Variants in INAVA observed in about 807,000 individuals in gnomAD.
The protein encoded by INAVA is innate immunity activator.
INAVA carries 32 observed loss-of-function variants against 55.3 expected under a neutral mutation model. The ratio of observed to expected loss-of-function variants is 0.58; its 90% confidence interval spans 0.44 to 0.78. INAVA has a LOEUF of 0.78. Ranked by LOEUF, INAVA falls within the 30% of genes least tolerant of loss-of-function variation. The probability of loss-of-function intolerance (pLI) is 0.00; values close to 1 mark genes in which losing one functional copy is unlikely to be tolerated. For missense variants in INAVA, 756 were observed against 786.4 expected, an observed-to-expected ratio of 0.96 and a Z score of 0.46; for synonymous variants, 294 against 329.4, an observed-to-expected ratio of 0.89 and a Z score of 1.16.
chr1:200,902,531 G>T (rs1238353782), intron 5 of INAVA, among the ~76,000 whole-genome samples: 2 of 152,228 alleles, frequency 1.3e-5, no homozygotes, highest in African/African-American at 2.4e-5. Flanking sequence ...CTTGGCCGCA[G>T]AACAACACTC....
chr1:200,911,160 TAAAAAAAG>T lies in INAVA; in HGVS notation c.960-292_960-285del, dbSNP rs1485427599. On this transcript the variant is annotated intron_variant, in intron 8 of 9. Transcript: ENST00000413687. ...AAAAAAAGTACTTAATGTAGTACTT[TAAAAAAAG>T]TACTTAATGTGCTACTTGATGTAGC... is the stretch of plus-strand genomic sequence containing the variant. 3.9e-3 allele frequency among the ~76,000 whole-genome samples: 438 copies of T among 112,428 alleles called. 2 individuals carry two copies. Among genetic ancestry groups the T allele is most frequent in the African/African-American group, 0.016 (411 of 25,168 alleles). 73.8% of individuals were successfully genotyped at this position (112,428 alleles called of 152,430 possible). A position where few individuals can be genotyped will look rare whatever the true frequency, so the allele number is the denominator to read the frequency against.
rs1046556097 is a variant in INAVA, at chr1:200,900,968, C to A, written c.329C>A (p.Ala110Asp). ...CTAAGCAGCCTGGAGCGCCAGCTGGCCCTGCAGCTGCAGATCACAGAGGCA... is the reference window on the plus strand; with the variant it reads ...CTAAGCAGCCTGGAGCGCCAGCTGGACCTGCAGCTGCAGATCACAGAGGCA... ...DPLSSLERQL[A>D]LQLQITEAAR... Residue 110 changes from alanine (A) to aspartate (D), a missense_variant, in exon 5 of 10, where the codon GCC (alanine) becomes GAC (aspartate). By Grantham distance (126) the Ala-to-Asp change is moderately radical. This residue lies in a region of INAVA where 639 missense variants were observed against 624.3 expected (regional missense o/e 1.02). Coordinates refer to ENST00000413687, the MANE Select transcript of INAVA (RefSeq NM_001142569.3). The A allele has an allele frequency of 2.6e-6, 4 of 1,555,290 alleles. No homozygotes were observed. In the East Asian group the frequency reaches 7.2e-5, roughly 28 times the overall value.
chr1:200,908,328 C>T (rs149874431), intron 6 of INAVA, among the ~76,000 whole-genome samples: 164 of 152,218 alleles, frequency 1.1e-3, no homozygotes, highest in Non-Finnish European at 3.1e-4. Flanking sequence ...CAAGGTGGAT[C>T]GAGAAGCTGT....
Position 200,912,014 on chromosome 1 carries a change from G to A in INAVA, c.1521G>A (p.Trp507Ter). 1 of 1,537,574 alleles carries A rather than the reference G, an allele frequency of 6.5e-7. No individual in the cohort carries two copies. Among genetic ancestry groups the A allele is most frequent in the Non-Finnish European group, 8.7e-7 (1 of 1,144,684 alleles). ...KAAVSEELKW[W>*]HERARLRSTR... is the part of the protein sequence containing the mutation. ...CCGTGTCCGAGGAGCTCAAGTGGTG[G>A]CACGAGCGTGCACGCCTCCGGAGCA... Residue 507 changes from tryptophan to a stop codon, truncating the protein, a stop_gained, in exon 9 of 10, where the codon TGG becomes TGA. Transcript: ENST00000413687. LOFTEE classifies it high-confidence loss of function.
chr1:200,902,862 T>A (rs981521268), intron 5 of INAVA: 13 of 152,270 alleles, frequency 8.5e-5, no homozygotes, highest in African/African-American at 2.9e-4. Context: ...TGACCCATAA[T>A]GCTTCTTGTT....
intron 1 of INAVA, 105 bp downstream of exon 1, chr1:200,895,192 C>G: frequency 1.1e-6 from 1 of 898,486 alleles, no homozygotes; most frequent in Non-Finnish European, 1.3e-6. Context: ...CCCCCACCCC[C>G]GCCAGCCTAT....
At position 200,913,704 on chromosome 1, in the gene INAVA, T is replaced by G. The variant is rs1653841747; in HGVS notation, c.*75T>G. ...GACCCCCCCACCCCTGAGTGCCTCTTTCAGCTCCCCCATCCCCATCGCAGG... is the reference window on the plus strand; with the variant it reads ...GACCCCCCCACCCCTGAGTGCCTCTGTCAGCTCCCCCATCCCCATCGCAGG... On this transcript the variant is annotated 3_prime_UTR_variant, in exon 10 of 10. Coordinates refer to ENST00000413687, the MANE Select transcript of INAVA (RefSeq NM_001142569.3). 1.6e-6 allele frequency: 2 copies of G among 1,248,436 alleles called. No homozygotes were observed. Among genetic ancestry groups the G allele is most frequent in the Non-Finnish European group, 2.3e-6 (2 of 860,464 alleles). The allele number at this position is 1,248,436 out of a possible 1,614,324, so 77.3% of individuals were successfully genotyped here.
Position 200,911,521 on chromosome 1 carries a change from AC to A in INAVA, c.1029del (p.Tyr344ThrfsTer3), listed in dbSNP as rs1301106771. The A allele has an allele frequency of 6.2e-7, 1 of 1,613,286 alleles. No homozygotes were observed. Among genetic ancestry groups the A allele is most frequent in the African/African-American group, 1.3e-5 (1 of 74,684 alleles). ...GCCTTTCCCCGCCGCCGCCCCACTCACTACACGGTGACAGTGCCAGATTCCT... is the reference window on the plus strand; with the variant it reads ...GCCTTTCCCCGCCGCCGCCCCACTCATACACGGTGACAGTGCCAGATTCCT... ...RSAFPRRRPT[H>X]YTVTVPDSCF... On this transcript the variant is annotated frameshift_variant, in exon 9 of 10. Coordinates refer to ENST00000413687, the MANE Select transcript of INAVA (RefSeq NM_001142569.3). LOFTEE classifies it high-confidence loss of function.
At chr1:200,912,462 C>A (rs1223695745) in intron 9 of INAVA, among the ~76,000 whole-genome samples, 1 of 152,144 alleles carries the variant, frequency 6.6e-6, no homozygotes, top group African/African-American at 2.4e-5. Context: ...TCTTCATAAT[C>A]AAAAGTCCAG....
At chr1:200,911,191 A>G (rs1253835588) in intron 8 of INAVA, among the ~76,000 whole-genome samples, 1 of 151,152 alleles carries the variant, frequency 6.6e-6, no homozygotes, top group African/African-American at 2.5e-5. Context: ...TACTTGATGT[A>G]GCACACTTTA....
At chr1:200,892,488 A>G (rs1046403647), upstream of INAVA, among the ~76,000 whole-genome samples, 1 of 152,188 alleles carries the variant, frequency 6.6e-6, no homozygotes, top group Admixed American at 6.5e-5. Context: ...TCCTCAGGAA[A>G]CGAAAACACT....
intron 1 of INAVA, 147 bp from the exon 2 acceptor site, chr1:200,898,160 C>T (rs1314632169): frequency 3.7e-6 from 3 of 807,168 alleles, no homozygotes; most frequent in Admixed American, 5.6e-5. Flanking sequence ...AGGTCAGCAC[C>T]CCCAGTGCCA....
intron 1 of INAVA, 134 bp from the exon 2 acceptor site, chr1:200,898,173 A>G: frequency 1.1e-6 from 1 of 936,866 alleles, no homozygotes; most frequent in South Asian, 1.7e-5. Context: ...CAGTGCCAGA[A>G]TCTCCTGCCC....
chr1:200,901,055 C>G lies in INAVA; in HGVS notation c.416C>G (p.Ser139Cys). The G allele has an allele frequency of 6.5e-7, 1 of 1,545,468 alleles. No individual in the cohort carries two copies. Residue 139 changes from serine (S) to cysteine (C), a missense_variant, in exon 5 of 10, where the codon TCC (serine) becomes TGC (cysteine). By Grantham distance (112) the Ser-to-Cys change is moderately radical (BLOSUM62 -1). Around this residue, in one of 2 missense-constraint regions of INAVA, gnomAD observed 639 missense variants for 624.3 expected, o/e 1.02. Coordinates refer to ENST00000413687, the MANE Select transcript of INAVA (RefSeq NM_001142569.3). ...CAGGCTCGGCGGCAGCGGAAGCACT[C>G]CATGCTGCAGGAGGAGAAGAAGCTG... ...SRQARRQRKH[S>C]MLQEEKKLQE...
rs768547585 is a variant in INAVA, at chr1:200,911,442, T to G, written c.960-11T>G. The G allele has an allele frequency of 4.4e-6, 7 of 1,603,976 alleles. No homozygotes were observed. Among genetic ancestry groups the G allele is most frequent in the Non-Finnish European group, 5.1e-6 (6 of 1,172,922 alleles). ...CCCCCACACTCAGAATGCCTCTCTTTCCCTCTTCAGGGTGGATTCCTTCCG... is the reference window on the plus strand; with the variant it reads ...CCCCCACACTCAGAATGCCTCTCTTGCCCTCTTCAGGGTGGATTCCTTCCG... On this transcript the variant is annotated splice_polypyrimidine_tract_variant and intron_variant, in intron 8 of 9. Transcript: ENST00000413687.
At chr1:200,893,222 C>G (rs768835453), upstream of INAVA, among the ~76,000 whole-genome samples, 1 of 152,150 alleles carries the variant, frequency 6.6e-6, no homozygotes, top group African/African-American at 2.4e-5. Context: ...ACACTCAGCC[C>G]TTGTGTGAAA....
At position 200,911,963 on chromosome 1, in the gene INAVA, G is replaced by T; in HGVS notation, c.1470G>T (p.Pro490=). The T allele has an allele frequency of 6.5e-7, 1 of 1,535,192 alleles. No homozygotes were observed. Among genetic ancestry groups the T allele is most frequent in the Non-Finnish European group, 8.7e-7 (1 of 1,145,692 alleles). Residue 490 remains proline (P), a synonymous_variant, in exon 9 of 10, where the codon CCG becomes CCT. Coordinates refer to ENST00000413687, the MANE Select transcript of INAVA (RefSeq NM_001142569.3). Reference sequence around the variant, plus strand: ...GGACGCCCTCCCTGAAGGACAGCCCGGCAGGCCGGGGGCTCAGCAAGGCCG... The same window carrying T: ...GGACGCCCTCCCTGAAGGACAGCCCTGCAGGCCGGGGGCTCAGCAAGGCCG... ...IVRTPSLKDS[P]AGRGLSKAAV... is the part of the protein sequence containing the mutation.
At chr1:200,895,460 A>G (rs796719820) in intron 1 of INAVA, among the ~76,000 whole-genome samples, 13 of 149,684 alleles carry the variant, frequency 8.7e-5, no homozygotes, top group African/African-American at 3.0e-4. Flanking sequence ...TTCTGGGGAC[A>G]TTGTTCAGCC....
At position 200,907,855 on chromosome 1, in the gene INAVA, G is replaced by A; in HGVS notation, c.542G>A (p.Ser181Asn). The A allele has an allele frequency of 6.2e-7, 1 of 1,612,752 alleles. No homozygotes were observed. Among genetic ancestry groups the A allele is most frequent in the South Asian group, 1.1e-5 (1 of 91,030 alleles). ...LGRELSASDD[S>N]SLSDGLLLEE... ...GCAGAGCTCAGTGCCTCTGATGACAGCTCCCTGTCAGATGGGCTCCTCCTG... is the reference window on the plus strand; with the variant it reads ...GCAGAGCTCAGTGCCTCTGATGACAACTCCCTGTCAGATGGGCTCCTCCTG... The change falls in exon 6 of 10, where the codon AGC becomes AAC. Residue 181 changes from serine to asparagine, a missense_variant. This residue lies in a region of INAVA where 639 missense variants were observed against 624.3 expected (regional missense o/e 1.02). Coordinates refer to ENST00000413687, the MANE Select transcript of INAVA (RefSeq NM_001142569.3).
Sources: gnomAD v4.1 joint callset for allele counts (sites outside exome capture counted in the v4.1 genomes callset) on GRCh38, gnomAD v4.1.1 for gene constraint, gnomAD v4.1.1 regional missense constraint, MANE v1.5 for transcripts, NCBI Gene and HGNC (gene_info 2026-07-23, HGNC 2026-07-21) for gene names.